The following ATP2C1 variants were observed in gnomAD, a reference collection of about 807,000 sequenced individuals.
ATP2C1 encodes calcium-transporting ATPase type 2C member 1.
Under a neutral mutation model 120.5 loss-of-function variants are expected in ATP2C1, and 31 were observed. The observed-to-expected ratio is 0.26, with a 90% CI of 0.19 to 0.35. The LOEUF (loss-of-function observed/expected upper bound fraction) is 0.35. ATP2C1 is among the 10% of genes least tolerant of loss of function. The pLI is 1.00. For missense variants in ATP2C1, 731 were observed against 1,107.5 expected, an observed-to-expected ratio of 0.66 and a Z score of 4.83; for synonymous variants, 351 against 358.7, an observed-to-expected ratio of 0.98 and a Z score of 0.24.
At chr3:130,906,219 A>G (rs1286079387) in intron 2 of ATP2C1, among the ~76,000 whole-genome samples, 2 of 152,032 alleles carry the variant, frequency 1.3e-5, no homozygotes, top group African/African-American at 4.8e-5. Context: ...CCCCTTACCC[A>G]TTAGCAGTCA....
chr3:130,920,404 T>G lies in ATP2C1; in HGVS notation c.7-10012T>G, dbSNP rs181488264. Among the ~76,000 whole-genome samples, 350 of 152,314 alleles carry G rather than the reference T, an allele frequency of 2.3e-3. 7 individuals carry two copies. The highest frequency in any genetic ancestry group is 0.014 in the Admixed American group (210 of 15,300). On this transcript the variant is annotated intron_variant, in intron 2 of 27. Transcript: ENST00000510168. ...TTTATTTTTTTTAGGTTTTTACATG[T>G]AGATATGAAGTTTTCCTGATGCCAT...
At chr3:130,962,571 A>G (rs1264748388) in intron 12 of ATP2C1, among the ~76,000 whole-genome samples, 1 of 151,842 alleles carries the variant, frequency 6.6e-6, no homozygotes, top group Non-Finnish European at 1.5e-5. Context: ...TTATCATTAA[A>G]ATGAAAATTT....
At chr3:130,977,079 C>T (rs951128766) in intron 18 of ATP2C1, among the ~76,000 whole-genome samples, 3 of 152,038 alleles carry the variant, frequency 2.0e-5, no homozygotes, top group Admixed American at 6.6e-5. Flanking sequence ...GGATTATAAT[C>T]GTTAGAGCAA....
chr3:130,858,387 A>C (rs1470385655), intron 1 of ATP2C1, among the ~76,000 whole-genome samples: 2 of 152,210 alleles, frequency 1.3e-5, no homozygotes, highest in African/African-American at 4.8e-5. Context: ...ATCTGTTCCA[A>C]TAATCATCTT....
intron 1 of ATP2C1, among the ~76,000 whole-genome samples, chr3:130,876,115 G>A (rs960881462): frequency 6.6e-6 from 1 of 151,798 alleles, no homozygotes; most frequent in Non-Finnish European, 1.5e-5. Flanking sequence ...TTGTTGTGCA[G>A]AGGCTTTTAG....
At chr3:131,007,102 CTT>C (rs1470687913), downstream of ATP2C1, among the ~76,000 whole-genome samples, 1 of 152,108 alleles carries the variant, frequency 6.6e-6, no homozygotes, top group Non-Finnish European at 1.5e-5. Flanking sequence ...TTGGTGATCT[CTT>C]TCATTCAAAA....
intron 26 of ATP2C1, among the ~76,000 whole-genome samples, chr3:131,009,848 TAAGAC>T (rs1339763990): frequency 6.6e-6 from 1 of 152,194 alleles, no homozygotes; most frequent in Non-Finnish European, 1.5e-5. Flanking sequence ...AATGTGTCAT[TAAGAC>T]ATTACGAGAT....
chr3:130,960,490 G>C (rs2060772673), intron 12 of ATP2C1, among the ~76,000 whole-genome samples: 1 of 152,134 alleles, frequency 6.6e-6, no homozygotes, highest in South Asian at 2.1e-4. Flanking sequence ...TCAAAGCTAT[G>C]ATTTCCTATA....
At chr3:130,996,830 C>T in intron 24 of ATP2C1, 34 bp downstream of exon 24, 1 of 1,377,068 alleles carries the variant, frequency 7.3e-7, no homozygotes, top group Non-Finnish European at 1.0e-6. Flanking sequence ...GCTGGAAAGA[C>T]AAGGAATGTG....
intron 22 of ATP2C1, 133 bp downstream of exon 22, chr3:130,994,231 A>G: frequency 9.8e-7 from 1 of 1,022,482 alleles, no homozygotes; most frequent in Non-Finnish European, 1.5e-6. Context: ...TTCTAGGGTA[A>G]TTATCCTATT....
intron 8 of ATP2C1, among the ~76,000 whole-genome samples, chr3:130,948,013 T>C (rs1191306604): frequency 6.6e-6 from 1 of 152,210 alleles, no homozygotes; most frequent in South Asian, 2.1e-4. Flanking sequence ...TTATGCATTC[T>C]GTGCCCATTA....
chr3:130,889,225 C>T (rs887401288), upstream of ATP2C1, among the ~76,000 whole-genome samples: 1 of 152,172 alleles, frequency 6.6e-6, no homozygotes, highest in Non-Finnish European at 1.5e-5. Context: ...AACCAGAATA[C>T]CTGGAGAAAA....
chr3:130,996,027 A>G lies in ATP2C1; in HGVS notation c.2058-16A>G. The G allele has an allele frequency of 6.8e-7, 1 of 1,466,730 alleles. No homozygotes were observed. The highest frequency in any genetic ancestry group is 9.5e-7 in the Non-Finnish European group (1 of 1,047,592). 90.9% of individuals were successfully genotyped at this position (1,466,730 alleles called of 1,614,324 possible). A position where few individuals can be genotyped will look rare whatever the true frequency, so the allele number is the denominator to read the frequency against. On this transcript the variant is annotated splice_polypyrimidine_tract_variant and intron_variant, in intron 22 of 27. Transcript: ENST00000510168. ...GATAATATTTTCTCACTTCATCTTT[A>G]TTTTTTAAATTTCAGGTCTGCAATC...
chr3:130,863,147 A>G (rs1318734038), intron 1 of ATP2C1, among the ~76,000 whole-genome samples: 1 of 152,176 alleles, frequency 6.6e-6, no homozygotes, highest in East Asian at 1.9e-4. Flanking sequence ...ATAGCGCTTC[A>G]AAAAATGATG....
intron 17 of ATP2C1, among the ~76,000 whole-genome samples, chr3:130,973,776 A>G (rs2108729541): frequency 6.6e-6 from 1 of 152,346 alleles, no homozygotes; most frequent in South Asian, 2.1e-4. Context: ...TTTTCAATGA[A>G]AACATTGACA....
chr3:130,880,743 T>C (rs2068755740), intron 1 of ATP2C1, among the ~76,000 whole-genome samples: 1 of 152,220 alleles, frequency 6.6e-6, no homozygotes, highest in African/African-American at 2.4e-5. Flanking sequence ...GTATCTCCCA[T>C]AGTATGCTCA....
intron 1 of ATP2C1, among the ~76,000 whole-genome samples, chr3:130,864,194 C>T (rs1009765809): frequency 6.6e-5 from 10 of 152,112 alleles, no homozygotes; most frequent in South Asian, 2.1e-4. Flanking sequence ...TGTTGAGAAC[C>T]GGAGTGAAGG....
At chr3:130,988,051 C>G (rs1411344710) in intron 20 of ATP2C1, among the ~76,000 whole-genome samples, 1 of 152,210 alleles carries the variant, frequency 6.6e-6, no homozygotes, top group Non-Finnish European at 1.5e-5. Context: ...TATATTTCTA[C>G]TGAATCTATT....
chr3:130,947,805 TG>T (rs1176412049), intron 8 of ATP2C1, among the ~76,000 whole-genome samples: 1 of 152,164 alleles, frequency 6.6e-6, no homozygotes, highest in African/African-American at 2.4e-5. Context: ...TGATTTTTTT[TG>T]ATGTACCTTT....
Sources: allele counts gnomAD v4.1 joint callset (sites outside exome capture counted in the v4.1 genomes callset), GRCh38; gene constraint gnomAD v4.1.1; transcripts MANE v1.5; gene names NCBI Gene and HGNC (gene_info 2026-07-23, HGNC 2026-07-21).